PTPRC: variants seen among roughly 807,000 people sequenced by gnomAD.
The protein encoded by PTPRC is protein tyrosine phosphatase receptor type C.
A neutral mutation model predicts 155.9 loss-of-function variants in PTPRC; 44 were observed. The ratio of observed to expected loss-of-function variants is 0.28; its 90% CI spans 0.22 to 0.36. The LOEUF (loss-of-function observed/expected upper bound fraction) is 0.36. PTPRC is among the 10% of genes least tolerant of loss of function. PTPRC has a pLI of 1.00. For missense variants in PTPRC, 1,401 were observed against 1,564.6 expected (o/e 0.90, Z 1.76); for synonymous variants, 525 against 533.1 (o/e 0.98, Z 0.21).
At chr1:198,742,203 C>T (rs1288957533) in intron 24 of PTPRC, 29 bp from the exon 25 acceptor site, 13 of 1,612,034 alleles carry the variant, frequency 8.1e-6, no homozygotes, top group Non-Finnish European at 1.1e-5. Flanking sequence ...CATGATCATG[C>T]CTCTGCTTTT....
chr1:198,692,815 A>G (rs1666001773), intron 3 of PTPRC: 1 of 904,496 alleles, frequency 1.1e-6, no homozygotes, highest in Admixed American at 6.2e-5. Context: ...TTTCAATGGT[A>G]TGCAAAACCT....
intron 20 of PTPRC, among the ~76,000 whole-genome samples, chr1:198,733,221 C>T (rs1194530796): frequency 6.6e-6 from 1 of 151,278 alleles, no homozygotes; most frequent in Non-Finnish European, 1.5e-5. Context: ...TTTTGTCTCC[C>T]CAAATCTGCC....
chr1:198,743,067 C>CAAAAAAAAAAAAA (rs10628640), intron 25 of PTPRC, among the ~76,000 whole-genome samples: 1 of 75,952 alleles, frequency 1.3e-5, no homozygotes, highest in East Asian at 4.3e-4. Context: ...GTCAAAATAG[C>CAAAAAAAAAAAAA]AAAAAAAAAA....
intron 2 of PTPRC, among the ~76,000 whole-genome samples, chr1:198,669,606 A>G (rs1263015221): frequency 6.6e-6 from 1 of 152,116 alleles, no homozygotes; most frequent in Admixed American, 6.6e-5. Flanking sequence ...AATCCACGGC[A>G]TGGTGAATCC....
intron 2 of PTPRC, among the ~76,000 whole-genome samples, chr1:198,646,329 G>A (rs1274813041): frequency 6.6e-6 from 1 of 151,642 alleles, no homozygotes; most frequent in Admixed American, 6.6e-5. Context: ...GCTTATGCTT[G>A]GAATTTTCCT....
intron 31 of PTPRC, among the ~76,000 whole-genome samples, chr1:198,753,097 G>T (rs931021499): frequency 6.6e-6 from 1 of 151,864 alleles, no homozygotes; most frequent in African/African-American, 2.4e-5. Flanking sequence ...TGAACAGATA[G>T]GTAGATGGGT....
At chr1:198,687,295 C>T (rs1665682899) in intron 2 of PTPRC, among the ~76,000 whole-genome samples, 2 of 152,100 alleles carry the variant, frequency 1.3e-5, no homozygotes, top group South Asian at 2.1e-4. Context: ...CACAACCAAT[C>T]TCATCAGGTC....
intron 15 of PTPRC, among the ~76,000 whole-genome samples, chr1:198,726,108 T>G (rs1270457558): frequency 6.6e-6 from 1 of 152,238 alleles, no homozygotes; most frequent in African/African-American, 2.4e-5. Context: ...TTTGTAGAAC[T>G]TAATCTAATT....
At chr1:198,660,001 A>C (rs1663854683) in intron 2 of PTPRC, among the ~76,000 whole-genome samples, 1 of 137,920 alleles carries the variant, frequency 7.3e-6, no homozygotes, top group African/African-American at 2.7e-5. Context: ...CTATATAAAT[A>C]TATAGATATA....
rs112634711 is a variant in PTPRC, at chr1:198,709,633, G to A, written c.1034-54G>A. The stretch of plus-strand genomic sequence containing the variant: ...ATAAATGTGAAATTAGAAAATAAAT[G>A]TGTGCGTGAAATATTGCATCGATAT... On this transcript the variant is annotated intron_variant, in intron 10 of 32. Transcript: ENST00000442510. 6.5e-5 allele frequency: 89 copies of A among 1,364,962 alleles called. No homozygotes were observed. In the African/African-American group the frequency reaches 1.1e-3, roughly 17 times the overall value. The allele number at this position is 1,364,962 out of a possible 1,614,324, so 84.6% of individuals were successfully genotyped here.
At chr1:198,682,638 G>T (rs983181107) in intron 2 of PTPRC, among the ~76,000 whole-genome samples, 5 of 152,154 alleles carry the variant, frequency 3.3e-5, no homozygotes, top group African/African-American at 1.2e-4. Context: ...GGTATAGGTT[G>T]ATCAGCAAAG....
chr1:198,727,166 GTT>G (rs1558025528), intron 15 of PTPRC, among the ~76,000 whole-genome samples: 2 of 151,940 alleles, frequency 1.3e-5, no homozygotes, highest in Non-Finnish European at 2.9e-5. Context: ...TGTCTGTTCA[GTT>G]ACCTTTCTAG....
chr1:198,661,627 T>C (rs1319100643), intron 2 of PTPRC, among the ~76,000 whole-genome samples: 1 of 152,044 alleles, frequency 6.6e-6, no homozygotes, highest in African/African-American at 2.4e-5. Flanking sequence ...TAACACTTAA[T>C]TAATATTATT....
intron 12 of PTPRC, among the ~76,000 whole-genome samples, chr1:198,713,525 G>C (rs1653416693): frequency 6.6e-6 from 1 of 152,002 alleles, no homozygotes; most frequent in South Asian, 2.1e-4. Flanking sequence ...GTAGCCGCTG[G>C]GGCCAGTTTG....
intron 12 of PTPRC, 80 bp downstream of exon 12, chr1:198,713,152 G>A: frequency 1.3e-6 from 2 of 1,590,226 alleles, no homozygotes; most frequent in Admixed American, 3.3e-5. Context: ...TTGAGCCAGT[G>A]AGTCACAAAG....
At position 198,735,246 on chromosome 1, in the gene PTPRC, T is replaced by C; in HGVS notation, c.2397T>C (p.Ile799=). 1 of 1,598,892 alleles carries C rather than the reference T, an allele frequency of 6.3e-7. No homozygotes were observed. Among genetic ancestry groups the C allele is most frequent in the Non-Finnish European group, 8.5e-7 (1 of 1,171,376 alleles). ...CPDYIIQKLN[I]VNKKEKATGR... ...ATTACATCATTCAGAAATTGAACAT[T>C]GTAAATGTGAGTTTGCTTTTTACAT... The change falls in exon 23 of 33, where the codon ATT becomes ATC. Residue 799 remains isoleucine (I), a synonymous_variant. Transcript: ENST00000442510.
At chr1:198,739,352 G>C (rs556632763) in intron 23 of PTPRC, among the ~76,000 whole-genome samples, 1 of 151,712 alleles carries the variant, frequency 6.6e-6, no homozygotes, top group African/African-American at 2.4e-5. Context: ...CACCTGTAAA[G>C]ACACAAATAG....
intron 2 of PTPRC, among the ~76,000 whole-genome samples, chr1:198,644,251 A>T (rs149024037): frequency 0.014 from 2,054 of 152,034 alleles, 43 homozygotes; most frequent in African/African-American, 0.047. Context: ...TGTAAGTACT[A>T]GATACTCAAT....
At position 198,742,217 on chromosome 1, in the gene PTPRC, T is replaced by G. The variant is rs755637292; in HGVS notation, c.2562-15T>G. On this transcript the variant is annotated splice_polypyrimidine_tract_variant and intron_variant, in intron 24 of 32. Coordinates refer to ENST00000442510, the MANE Select transcript of PTPRC (RefSeq NM_002838.5). ...CCATGATCATGCCTCTGCTTTTTTTTGCTTGGTTTGCCAGTGCTGGTGTTG... is the reference window on the plus strand; with the variant it reads ...CCATGATCATGCCTCTGCTTTTTTTGGCTTGGTTTGCCAGTGCTGGTGTTG... 2 of 1,612,192 alleles carry G rather than the reference T, an allele frequency of 1.2e-6. No individual in the cohort carries two copies. The highest frequency in any genetic ancestry group is 1.7e-6 in the Non-Finnish European group (2 of 1,178,806).
Sources: allele counts gnomAD v4.1 joint callset (sites outside exome capture counted in the v4.1 genomes callset), GRCh38; gene constraint gnomAD v4.1.1; transcripts MANE v1.5; gene names NCBI Gene and HGNC (gene_info 2026-07-23, HGNC 2026-07-21).